Variants in SLC24A2 observed in about 807,000 individuals in gnomAD.
The protein encoded by SLC24A2 is sodium/potassium/calcium exchanger 2.
SLC24A2 carries 36 observed loss-of-function variants against 62.0 expected under a neutral mutation model. The ratio of observed to expected loss-of-function variants is 0.58; its 90% CI spans 0.44 to 0.77. The LOEUF (loss-of-function observed/expected upper bound fraction) is 0.77. SLC24A2 is among the 30% of genes least tolerant of loss of function. The pLI is 0.00. For synonymous variants in SLC24A2, 358 were observed against 294.0 expected (o/e 1.22, Z -2.23); for missense variants, 846 against 817.9 (o/e 1.03, Z -0.42).
chr9:20,285,606 C>G, the SLC24A2 span, among the ~76,000 whole-genome samples: 1 of 152,198 alleles, frequency 6.6e-6, no homozygotes, highest in Non-Finnish European at 1.5e-5. Context: ...GGGCAAGCTG[C>G]TTTACTCCAT....
chr9:20,011,978 A>C, the SLC24A2 span, among the ~76,000 whole-genome samples: 1 of 152,330 alleles, frequency 6.6e-6, no homozygotes, highest in South Asian at 2.1e-4. Flanking sequence ...AACTGACAAA[A>C]GTCAACACCT....
At chr9:20,146,690 C>T in the SLC24A2 span, among the ~76,000 whole-genome samples, 1 of 152,124 alleles carries the variant, frequency 6.6e-6, no homozygotes, top group African/African-American at 2.4e-5. Flanking sequence ...TGCTGAAAGA[C>T]ACCCTGTCAT....
chr9:19,850,446 T>A, the SLC24A2 span, among the ~76,000 whole-genome samples: 1 of 152,192 alleles, frequency 6.6e-6, no homozygotes, highest in Non-Finnish European at 1.5e-5. Flanking sequence ...TAAATATGCA[T>A]ACCTTTTATT....
chr9:19,857,123 C>G, the SLC24A2 span, among the ~76,000 whole-genome samples: 1 of 152,208 alleles, frequency 6.6e-6, no homozygotes, highest in African/African-American at 2.4e-5. Context: ...CTAGTTTCTT[C>G]TGGAGGCTGT....
At chr9:19,947,385 GAAGAAGA>G in the SLC24A2 span, among the ~76,000 whole-genome samples, 1 of 149,930 alleles carries the variant, frequency 6.7e-6, no homozygotes, top group African/African-American at 2.5e-5. Flanking sequence ...AGGAAGGAAG[GAAGAAGA>G]AAGAAGGGAA....
chr9:20,009,181 C>T, the SLC24A2 span, among the ~76,000 whole-genome samples: 1 of 152,142 alleles, frequency 6.6e-6, no homozygotes, highest in Admixed American at 6.5e-5. Flanking sequence ...GAAAGAGGCT[C>T]ACTCCAGTCT....
chr9:19,665,353 T>C (rs375140426), intron 2 of SLC24A2, among the ~76,000 whole-genome samples: 2 of 152,216 alleles, frequency 1.3e-5, no homozygotes, highest in Admixed American at 1.3e-4. Flanking sequence ...CTGCTAGCAC[T>C]TCAGATGTGG....
intron 5 of SLC24A2, among the ~76,000 whole-genome samples, chr9:19,593,935 A>C (rs1367596165): frequency 6.6e-6 from 1 of 152,166 alleles, no homozygotes; most frequent in African/African-American, 2.4e-5. Context: ...ATGATAGATG[A>C]TATAGAATAT....
chr9:19,569,393 T>G (rs1586977260), intron 7 of SLC24A2, among the ~76,000 whole-genome samples: 2 of 152,150 alleles, frequency 1.3e-5, no homozygotes, highest in African/African-American at 4.8e-5. Flanking sequence ...AGAATTGTCT[T>G]TCTATAAAAC....
chr9:20,098,589 A>G, the SLC24A2 span, among the ~76,000 whole-genome samples: 2 of 152,316 alleles, frequency 1.3e-5, no homozygotes, highest in East Asian at 3.9e-4. Flanking sequence ...AGAGACCTAA[A>G]GGCCTTTGGT....
chr9:19,706,599 C>T lies in SLC24A2; in HGVS notation c.930+79338G>A, dbSNP rs1227111111. Among the ~76,000 whole-genome samples the T allele has an allele frequency of 3.3e-5, 5 of 152,098 alleles. No individual in the cohort carries two copies. The South Asian group carries it at 6.2e-4, about 19-fold the overall frequency. On this transcript the variant is annotated intron_variant, in intron 2 of 10. Coordinates refer to ENST00000341998, the MANE Select transcript of SLC24A2 (RefSeq NM_020344.4). ...TTCACCGTGTTAGCCAGGATGGTCT[C>T]GATCTCCTGACCTCGTGATCCGCTC...
At chr9:19,581,300 T>C (rs1164549819) in intron 5 of SLC24A2, among the ~76,000 whole-genome samples, 1 of 152,208 alleles carries the variant, frequency 6.6e-6, no homozygotes, top group African/African-American at 2.4e-5. Context: ...GGCTTAAAAG[T>C]TGATACCTCT....
the SLC24A2 span, among the ~76,000 whole-genome samples, chr9:20,163,340 G>C: frequency 2.6e-5 from 4 of 152,022 alleles, no homozygotes; most frequent in Admixed American, 2.0e-4. Flanking sequence ...ACCAATAACA[G>C]ACAAACAGAG....
intron 4 of SLC24A2, among the ~76,000 whole-genome samples, chr9:19,601,126 G>C (rs1251921676): frequency 6.6e-6 from 1 of 152,006 alleles, no homozygotes; most frequent in African/African-American, 2.4e-5. Flanking sequence ...ACACCAATCA[G>C]TGCTCTGTAG....
intron 8 of SLC24A2, among the ~76,000 whole-genome samples, chr9:19,530,572 TATC>T (rs1400489235): frequency 6.6e-6 from 1 of 152,270 alleles, no homozygotes; most frequent in African/African-American, 2.4e-5. Flanking sequence ...ATCTGAAAAA[TATC>T]ATAACTGAGC....
intron 2 of SLC24A2, among the ~76,000 whole-genome samples, chr9:19,763,936 T>G (rs939983524): frequency 6.6e-6 from 1 of 152,228 alleles, no homozygotes; most frequent in African/African-American, 2.4e-5. Flanking sequence ...TGAATCCATC[T>G]GGTCCCGGGC....
At chr9:19,727,372 C>G (rs1306959008) in intron 2 of SLC24A2, among the ~76,000 whole-genome samples, 1 of 152,134 alleles carries the variant, frequency 6.6e-6, no homozygotes, top group East Asian at 1.9e-4. Flanking sequence ...AGCCGGTGAT[C>G]ATTTTGCATT....
the SLC24A2 span, among the ~76,000 whole-genome samples, chr9:19,795,631 T>C: frequency 8.5e-5 from 13 of 152,096 alleles, no homozygotes; most frequent in Non-Finnish European, 1.9e-4. Context: ...CTTTCCTGTC[T>C]CTTGATTTTT....
chr9:20,192,406 T>C, the SLC24A2 span, among the ~76,000 whole-genome samples: 2 of 152,120 alleles, frequency 1.3e-5, no homozygotes, highest in African/African-American at 2.4e-5. Context: ...AAAGATATTC[T>C]GAGAGCTGAG....
Sources: allele counts gnomAD v4.1 joint callset (sites outside exome capture counted in the v4.1 genomes callset), GRCh38; gene constraint gnomAD v4.1.1; transcripts MANE v1.5; gene names NCBI Gene and HGNC (gene_info 2026-07-23, HGNC 2026-07-21).